LRRTM4: variants seen among roughly 807,000 people sequenced by gnomAD.
LRRTM4 encodes the protein leucine-rich repeat transmembrane neuronal protein 4.
A neutral mutation model predicts 47.6 loss-of-function variants in LRRTM4; 25 were observed. The ratio of observed to expected loss-of-function variants is 0.53; its 90% CI spans 0.38 to 0.73. The LOEUF is 0.73. Ranked by LOEUF, LRRTM4 falls within the 30% of genes least tolerant of loss-of-function variation. The pLI is 0.00. For synonymous variants in LRRTM4, 311 were observed against 269.5 expected (o/e 1.15, Z -1.51); for missense variants, 638 against 713.4 (o/e 0.89, Z 1.20).
intron 3 of LRRTM4, among the ~76,000 whole-genome samples, chr2:77,048,378 T>C (rs1679303751): frequency 6.6e-6 from 1 of 152,030 alleles, no homozygotes; most frequent in Non-Finnish European, 1.5e-5. Flanking sequence ...TTATTTGGCA[T>C]TAAAAAGTAC....
At chr2:77,047,476 T>C (rs1244762015) in intron 3 of LRRTM4, among the ~76,000 whole-genome samples, 2 of 151,994 alleles carry the variant, frequency 1.3e-5, no homozygotes, top group Non-Finnish European at 2.9e-5. Flanking sequence ...AGGAAGAAGC[T>C]GTTCTACGCC....
At chr2:76,911,057 A>G (rs976388588) in intron 3 of LRRTM4, among the ~76,000 whole-genome samples, 1 of 152,234 alleles carries the variant, frequency 6.6e-6, no homozygotes, top group African/African-American at 2.4e-5. Flanking sequence ...TTGATTCATA[A>G]TAGTTACACA....
chr2:76,885,884 C>T (rs1020318318), intron 3 of LRRTM4, among the ~76,000 whole-genome samples: 1 of 151,332 alleles, frequency 6.6e-6, no homozygotes, highest in South Asian at 2.1e-4. Context: ...TTTTCCAGAT[C>T]ATAAAAAAAA....
intron 3 of LRRTM4, among the ~76,000 whole-genome samples, chr2:76,794,701 A>ACTG (rs1675171987): frequency 6.6e-6 from 1 of 152,044 alleles, no homozygotes; most frequent in Non-Finnish European, 1.5e-5. Flanking sequence ...ACTTGACATT[A>ACTG]GTGACATTTT....
intron 3 of LRRTM4, chr2:77,009,514 A>G (rs1677789659): frequency 6.6e-6 from 1 of 152,142 alleles, no homozygotes; most frequent in African/African-American, 2.4e-5. Flanking sequence ...AAATATTAGT[A>G]AACACATTTT....
intron 3 of LRRTM4, among the ~76,000 whole-genome samples, chr2:77,511,547 C>T (rs1287074078): frequency 6.6e-6 from 1 of 151,562 alleles, no homozygotes; most frequent in Non-Finnish European, 1.5e-5. Flanking sequence ...CATTTGCTAA[C>T]TTATTTTAAG....
chr2:77,451,417 G>A (rs531027375), intron 3 of LRRTM4, among the ~76,000 whole-genome samples: 1 of 152,252 alleles, frequency 6.6e-6, no homozygotes, highest in African/African-American at 2.4e-5. Flanking sequence ...GCTGGAAAAC[G>A]GAACATGGAG....
At chr2:77,480,566 T>C (rs1677636896) in intron 3 of LRRTM4, among the ~76,000 whole-genome samples, 1 of 152,142 alleles carries the variant, frequency 6.6e-6, no homozygotes, top group Admixed American at 6.5e-5. Context: ...TCAATTAATG[T>C]ATCATTTCAA....
intron 3 of LRRTM4, among the ~76,000 whole-genome samples, chr2:77,310,068 G>A (rs1245721700): frequency 6.6e-6 from 1 of 151,950 alleles, no homozygotes; most frequent in Non-Finnish European, 1.5e-5. Flanking sequence ...TTTTGGCTCT[G>A]GGTAAGAAAT....
intron 3 of LRRTM4, among the ~76,000 whole-genome samples, chr2:77,224,830 G>C (rs1674755022): frequency 6.6e-6 from 1 of 152,114 alleles, no homozygotes; most frequent in South Asian, 2.1e-4. Flanking sequence ...TCTAGAACTA[G>C]AAATACCATT....
intron 3 of LRRTM4, among the ~76,000 whole-genome samples, chr2:77,083,564 G>A (rs1326518085): frequency 6.6e-6 from 1 of 151,950 alleles, no homozygotes; most frequent in Non-Finnish European, 1.5e-5. Flanking sequence ...TAGACAGTCA[G>A]ATACTGTGTC....
At chr2:77,295,783 G>A (rs1434082260) in intron 3 of LRRTM4, among the ~76,000 whole-genome samples, 1 of 151,752 alleles carries the variant, frequency 6.6e-6, no homozygotes, top group Non-Finnish European at 1.5e-5. Flanking sequence ...CTCCTAAAAG[G>A]ACACCAATCA....
intron 3 of LRRTM4, among the ~76,000 whole-genome samples, chr2:76,923,534 T>C (rs577171108): frequency 2.0e-5 from 3 of 152,136 alleles, no homozygotes; most frequent in Non-Finnish European, 2.9e-5. Context: ...GTATAAAAAA[T>C]AGAATAATTA....
intron 3 of LRRTM4, among the ~76,000 whole-genome samples, chr2:77,120,694 C>A (rs72807275): frequency 1.3e-5 from 2 of 151,488 alleles, no homozygotes; most frequent in African/African-American, 4.8e-5. Context: ...CTTGACAGTG[C>A]TGAAAATACA....
intron 3 of LRRTM4, among the ~76,000 whole-genome samples, chr2:77,369,297 C>T (rs950906559): frequency 1.3e-5 from 2 of 150,880 alleles, no homozygotes; most frequent in Admixed American, 6.6e-5. Context: ...TTGATATAGT[C>T]CCATTTATTT....
At chr2:77,017,679 T>C (rs1678116114) in intron 3 of LRRTM4, among the ~76,000 whole-genome samples, 1 of 152,150 alleles carries the variant, frequency 6.6e-6, no homozygotes, top group African/African-American at 2.4e-5. Context: ...CTCCTCCTCC[T>C]ATACTTACAA....
chr2:77,090,877 A>C (rs569142012), intron 3 of LRRTM4, among the ~76,000 whole-genome samples: 1 of 152,036 alleles, frequency 6.6e-6, no homozygotes, highest in African/African-American at 2.4e-5. Context: ...AGCCCCCTAG[A>C]CCATCACGGA....
chr2:77,337,758 C>A (rs2104267646), intron 3 of LRRTM4, among the ~76,000 whole-genome samples: 1 of 152,094 alleles, frequency 6.6e-6, no homozygotes, highest in South Asian at 2.1e-4. Flanking sequence ...TTCTTTATAG[C>A]AGTGTGAGAA....
At chr2:77,358,500 C>A (rs552405062) in intron 3 of LRRTM4, among the ~76,000 whole-genome samples, 1 of 152,090 alleles carries the variant, frequency 6.6e-6, no homozygotes, top group Admixed American at 6.6e-5. Context: ...GCCCCACCTC[C>A]GACACTGGGA....
Sources: gnomAD v4.1 joint callset for allele counts (sites outside exome capture counted in the v4.1 genomes callset) on GRCh38, gnomAD v4.1.1 for gene constraint, MANE v1.5 for transcripts, NCBI Gene and HGNC (gene_info 2026-07-23, HGNC 2026-07-21) for gene names.